TANK: variants seen among roughly 807,000 people sequenced by gnomAD.
The protein encoded by TANK is TRAF family member-associated NF-kappa-B activator.
TANK carries 15 observed loss-of-function variants against 43.6 expected under a neutral mutation model. The observed-to-expected ratio is 0.34, with a 90% CI of 0.23 to 0.53. The LOEUF is 0.53. Among genes scored for constraint, TANK ranks in the 20% least tolerant of loss-of-function variants. TANK has a pLI of 0.94. For missense variants in TANK, 417 were observed against 498.6 expected, an observed-to-expected ratio of 0.84 and a Z score of 1.56; for synonymous variants, 162 against 178.2, an observed-to-expected ratio of 0.91 and a Z score of 0.73.
chr2:161,197,922 A>C (rs1448454066), intron 2 of TANK, among the ~76,000 whole-genome samples: 1 of 152,160 alleles, frequency 6.6e-6, no homozygotes, highest in African/African-American at 2.4e-5. Context: ...TATCCTGCAC[A>C]CATACAAAAT....
At chr2:161,159,275 C>G (rs188839921), upstream of TANK, 1 of 152,222 alleles carries the variant, frequency 6.6e-6, no homozygotes, top group Admixed American at 6.5e-5. Flanking sequence ...TTTCATCACA[C>G]TGGGGTGAGG....
At chr2:161,227,719 C>G (rs898821528) in intron 6 of TANK, among the ~76,000 whole-genome samples, 1 of 152,236 alleles carries the variant, frequency 6.6e-6, no homozygotes, top group African/African-American at 2.4e-5. Flanking sequence ...TGATAAGTCT[C>G]TCCTCTTCGG....
chr2:161,219,602 T>A (rs1443135194), intron 4 of TANK: 2 of 255,884 alleles, frequency 7.8e-6, no homozygotes, highest in Non-Finnish European at 1.6e-5. Context: ...CCTCAAACTT[T>A]TATGTACTAT....
intron 2 of TANK, among the ~76,000 whole-genome samples, chr2:161,186,943 A>G (rs965960026): frequency 6.6e-6 from 1 of 152,242 alleles, no homozygotes; most frequent in African/African-American, 2.4e-5. Context: ...CATTAGGAAA[A>G]TGGAAATCAA....
chr2:161,224,539 G>T, intron 5 of TANK, 92 bp from the exon 6 acceptor site: 2 of 485,702 alleles, frequency 4.1e-6, no homozygotes, highest in South Asian at 5.3e-5. Flanking sequence ...TAATTATTTT[G>T]TGGCACATAA....
intron 1 of TANK, among the ~76,000 whole-genome samples, chr2:161,140,492 T>C (rs1683713602): frequency 6.6e-6 from 1 of 152,068 alleles, no homozygotes; most frequent in Non-Finnish European, 1.5e-5. Context: ...TTTTTTCTGA[T>C]TGGATGTCAC....
chr2:161,200,215 C>A, intron 2 of TANK: 1 of 244,726 alleles, frequency 4.1e-6, no homozygotes, highest in Non-Finnish European at 6.5e-6. Context: ...CAAGACATTG[C>A]TGTTGTACAT....
chr2:161,204,947 T>G, intron 4 of TANK, 154 bp downstream of exon 4: 2 of 1,423,108 alleles, frequency 1.4e-6, no homozygotes, highest in Non-Finnish European at 1.8e-6. Flanking sequence ...AAGAACTATT[T>G]TCAAGTAAAA....
rs1225658823 is a variant in TANK at position 161,193,887 on chromosome 2, T to A, written c.100-9600T>A. ...GTGACCATGTGCCGTGTTAAAACTCTAAGAAAGAAAGAAAATGGATATGGG... is the reference window on the plus strand; with the variant it reads ...GTGACCATGTGCCGTGTTAAAACTCAAAGAAAGAAAGAAAATGGATATGGG... On this transcript the variant is annotated intron_variant, in intron 2 of 7. Transcript: ENST00000392749. Among the ~76,000 whole-genome samples the A allele has an allele frequency of 2.6e-5, 4 of 152,186 alleles. No individual in the cohort carries two copies. In the East Asian group the frequency reaches 7.7e-4, roughly 29 times the overall value.
chr2:161,164,171 C>T (rs1684568331), intron 1 of TANK, among the ~76,000 whole-genome samples: 1 of 152,166 alleles, frequency 6.6e-6, no homozygotes, highest in Non-Finnish European at 1.5e-5. Context: ...TACCTTTGTC[C>T]AAAAGCAAAT....
intron 4 of TANK, among the ~76,000 whole-genome samples, chr2:161,208,830 A>T (rs1686760171): frequency 1.3e-5 from 2 of 152,254 alleles, no homozygotes; most frequent in African/African-American, 2.4e-5. Context: ...TCTCAAAGTC[A>T]CATTCCTTCA....
At chr2:161,199,452 T>A in intron 2 of TANK, among the ~76,000 whole-genome samples, 1 of 151,794 alleles carries the variant, frequency 6.6e-6, no homozygotes, top group East Asian at 1.9e-4. Flanking sequence ...AAAAAAAAAA[T>A]GTTCAATACC....
At chr2:161,206,995 A>C (rs1222218053) in intron 4 of TANK, among the ~76,000 whole-genome samples, 1 of 152,128 alleles carries the variant, frequency 6.6e-6, no homozygotes, top group Non-Finnish European at 1.5e-5. Context: ...TGATGTGAAA[A>C]GTTCTAAGAT....
intron 1 of TANK, among the ~76,000 whole-genome samples, chr2:161,178,769 C>T (rs887108480): frequency 2.6e-5 from 4 of 152,212 alleles, no homozygotes; most frequent in Middle Eastern, 6.8e-3. Flanking sequence ...TTTTCACAAA[C>T]ATGAAATAAC....
In TANK at chr2:161,231,570, CA is replaced by C; in HGVS notation, c.1101+22del. 1 of 1,596,542 alleles carries C rather than the reference CA, an allele frequency of 6.3e-7. No homozygotes were observed. ...ACAGCAGGTAACTGTTTTGCATTAA[CA>C]AATATATTATTATGTGTGAACACAC... On this transcript the variant is annotated intron_variant, in intron 7 of 7. Transcript: ENST00000392749.
intron 6 of TANK, among the ~76,000 whole-genome samples, chr2:161,227,527 A>G (rs1341176469): frequency 6.6e-6 from 1 of 152,212 alleles, no homozygotes; most frequent in Non-Finnish European, 1.5e-5. Context: ...TCACATGTAA[A>G]GTGGGGATAA....
chr2:161,160,543 G>A, intron 1 of TANK, 57 bp downstream of exon 1: 1 of 1,238,014 alleles, frequency 8.1e-7, no homozygotes. Flanking sequence ...CGACGTCGGA[G>A]AATTTGTATG....
At chr2:161,137,196 G>A (rs1273425075) in intron 1 of TANK, 2 of 985,256 alleles carry the variant, frequency 2.0e-6, no homozygotes, top group Non-Finnish European at 2.4e-6. Flanking sequence ...ATTCAATAAT[G>A]CCTTTGTAGT....
chr2:161,231,878 A>G (rs1211155498), intron 7 of TANK, among the ~76,000 whole-genome samples: 2 of 152,214 alleles, frequency 1.3e-5, no homozygotes, highest in Non-Finnish European at 2.9e-5. Flanking sequence ...ATTAAATTTC[A>G]TAGTGTGAAA....
Sources: allele counts gnomAD v4.1 joint callset (sites outside exome capture counted in the v4.1 genomes callset), GRCh38; gene constraint gnomAD v4.1.1; transcripts MANE v1.5; gene names NCBI Gene and HGNC (gene_info 2026-07-23, HGNC 2026-07-21).